Variants in PSD3 observed in about 807,000 individuals in gnomAD.
PSD3 encodes pleckstrin and Sec7 domain containing 3, also known as PH and SEC7 domain-containing protein 3.
PSD3 carries 49 observed loss-of-function variants against 105.5 expected under a neutral mutation model. The ratio of observed to expected loss-of-function variants is 0.46; its 90% CI spans 0.37 to 0.59. PSD3 has a LOEUF of 0.59. Among genes scored for constraint, PSD3 ranks in the 20% least tolerant of loss-of-function variants. The pLI is 0.00. For synonymous variants in PSD3, 557 were observed against 457.8 expected (o/e 1.22, Z -2.77); for missense variants, 1,561 against 1,263.8 (o/e 1.24, Z -3.57).
At chr8:18,941,665 C>CTTTTTTTT (rs869259596) in intron 1 of PSD3, among the ~76,000 whole-genome samples, 3 of 107,738 alleles carry the variant, frequency 2.8e-5, no homozygotes, top group Admixed American at 1.1e-4. Flanking sequence ...TGTAGAATGA[C>CTTTTTTTT]TTTTTTTTTT....
intron 9 of PSD3, among the ~76,000 whole-genome samples, chr8:18,711,718 C>A (rs1050176612): frequency 6.6e-6 from 1 of 152,096 alleles, no homozygotes; most frequent in Non-Finnish European, 1.5e-5. Flanking sequence ...TCAGACAGAT[C>A]GTCAAGAGAG....
intron 8 of PSD3, among the ~76,000 whole-genome samples, chr8:18,771,269 G>C (rs1201241429): frequency 6.6e-6 from 1 of 151,990 alleles, no homozygotes; most frequent in Non-Finnish European, 1.5e-5. Context: ...TTTTCAGCTT[G>C]AGGGTGCAGC....
At chr8:18,629,467 G>A (rs576825438) in intron 11 of PSD3, among the ~76,000 whole-genome samples, 82 of 152,044 alleles carry the variant, frequency 5.4e-4, no homozygotes, top group African/African-American at 1.9e-3. Flanking sequence ...TGCTCAGCTG[G>A]TGAATCAATA....
intron 1 of PSD3, among the ~76,000 whole-genome samples, chr8:18,939,091 T>C (rs1177679709): frequency 2.0e-5 from 3 of 152,346 alleles, no homozygotes; most frequent in East Asian, 3.9e-4. Flanking sequence ...ATGCCATCTA[T>C]ACAGCAAAAG....
rs34392783 is a variant in PSD3 at position 18,910,637 on chromosome 8, TAAAAAA to T, written c.130+25391_130+25396del. The stretch of plus-strand genomic sequence containing the variant: ...ATGTACCCTAAAACTTAGAGTATAA[TAAAAAA>T]AAAAAAAAAAAAAAAAGAAAAGTCT... On this transcript the variant is annotated intron_variant, in intron 2 of 15. Coordinates refer to ENST00000327040, the MANE Select transcript of PSD3 (RefSeq NM_015310.4). Among the ~76,000 whole-genome samples the T allele has an allele frequency of 4.5e-3, 435 of 97,112 alleles. 1 individual carries two copies. The highest frequency in any genetic ancestry group is 0.025 in the South Asian group (72 of 2,858). The allele number at this position is 97,112 out of a possible 152,430, so 63.7% of individuals were successfully genotyped here.
chr8:18,552,441 C>T (rs530170853), intron 15 of PSD3, among the ~76,000 whole-genome samples: 1 of 152,234 alleles, frequency 6.6e-6, no homozygotes, highest in Admixed American at 6.6e-5. Flanking sequence ...AACATTAGGG[C>T]CAACTGCATT....
At chr8:18,758,962 C>A (rs990335347) in intron 9 of PSD3, among the ~76,000 whole-genome samples, 5 of 152,050 alleles carry the variant, frequency 3.3e-5, no homozygotes, top group South Asian at 4.1e-4. Context: ...TTCTAACCAA[C>A]AGACTATGTA....
chr8:18,631,227 G>C (rs1806872075), intron 11 of PSD3, among the ~76,000 whole-genome samples: 1 of 151,866 alleles, frequency 6.6e-6, no homozygotes, highest in Non-Finnish European at 1.5e-5. Context: ...TATGAAGAAG[G>C]GTGTGTCTGC....
At chr8:18,948,080 A>C (rs1304385406) in intron 1 of PSD3, among the ~76,000 whole-genome samples, 1 of 152,174 alleles carries the variant, frequency 6.6e-6, no homozygotes, top group Non-Finnish European at 1.5e-5. Context: ...CAGTAATGAC[A>C]GACTGAGAAG....
intron 11 of PSD3, among the ~76,000 whole-genome samples, chr8:18,601,304 T>C (rs1030416701): frequency 5.9e-5 from 9 of 152,226 alleles, no homozygotes; most frequent in African/African-American, 2.2e-4. Context: ...AATCTATAAC[T>C]GGAAAATGTT....
intron 12 of PSD3, among the ~76,000 whole-genome samples, chr8:18,592,713 C>T (rs1395620380): frequency 6.6e-6 from 1 of 151,976 alleles, no homozygotes; most frequent in African/African-American, 2.4e-5. Context: ...AACAAACAAA[C>T]AAAAACACTT....
intron 1 of PSD3, among the ~76,000 whole-genome samples, chr8:19,052,932 T>C (rs1027488922): frequency 6.6e-6 from 1 of 152,068 alleles, no homozygotes; most frequent in African/African-American, 2.4e-5. Context: ...CCTGCTTGTG[T>C]CACTTCCTAC....
intron 9 of PSD3, among the ~76,000 whole-genome samples, chr8:18,671,447 C>T (rs1272289679): frequency 2.0e-5 from 3 of 152,136 alleles, no homozygotes; most frequent in African/African-American, 7.2e-5. Context: ...CAACCCTATG[C>T]CAGCCACAAC....
intron 10 of PSD3, among the ~76,000 whole-genome samples, chr8:18,637,947 G>A (rs904927621): frequency 9.9e-5 from 15 of 152,146 alleles, no homozygotes; most frequent in Non-Finnish European, 1.8e-4. Flanking sequence ...CACAAGGTCA[G>A]GAGTTCAAGA....
intron 2 of PSD3, among the ~76,000 whole-genome samples, chr8:18,891,434 T>C (rs1227816782): frequency 6.6e-6 from 1 of 152,142 alleles, no homozygotes; most frequent in Non-Finnish European, 1.5e-5. Context: ...ACGACTACAG[T>C]CTCCTTATCT....
intron 9 of PSD3, among the ~76,000 whole-genome samples, chr8:18,703,449 G>A (rs1009756757): frequency 6.6e-6 from 1 of 152,188 alleles, no homozygotes; most frequent in Non-Finnish European, 1.5e-5. Flanking sequence ...TCACTAGGTG[G>A]TTGGACTCTG....
At chr8:18,938,229 C>T (rs974458058) in intron 1 of PSD3, among the ~76,000 whole-genome samples, 5 of 152,058 alleles carry the variant, frequency 3.3e-5, no homozygotes, top group African/African-American at 1.2e-4. Context: ...GAAATCCAAA[C>T]GAGAACAGGG....
Position 19,010,188 on chromosome 8 carries a change from T to C in PSD3, c.21+3375A>G, listed in dbSNP as rs192108503. Among the ~76,000 whole-genome samples, 38 of 152,260 alleles carry C rather than the reference T, an allele frequency of 2.5e-4. No homozygotes were observed. In the East Asian group the frequency reaches 4.6e-3, roughly 19 times the overall value. Reference sequence around the variant, plus strand: ...GCCTCAAGGAGTGAGTGGTCTGCCATGGCCGCAGCCTGACATGCAGGAAGG... The same window carrying C: ...GCCTCAAGGAGTGAGTGGTCTGCCACGGCCGCAGCCTGACATGCAGGAAGG... On this transcript the variant is annotated intron_variant, in intron 1 of 15. Coordinates refer to ENST00000327040, the MANE Select transcript of PSD3 (RefSeq NM_015310.4).
At chr8:18,676,225 C>T (rs1800056159) in intron 9 of PSD3, among the ~76,000 whole-genome samples, 1 of 152,130 alleles carries the variant, frequency 6.6e-6, no homozygotes, top group South Asian at 2.1e-4. Flanking sequence ...TGTTCAAATA[C>T]TGCATGGAAG....
Sources: gnomAD v4.1 joint callset for allele counts (sites outside exome capture counted in the v4.1 genomes callset) on GRCh38, gnomAD v4.1.1 for gene constraint, MANE v1.5 for transcripts, NCBI Gene and HGNC (gene_info 2026-07-23, HGNC 2026-07-21) for gene names.